Variants in CD207 observed in about 807,000 individuals in gnomAD.
CD207 encodes the protein C-type lectin domain family 4 member K.
A neutral mutation model predicts 31.6 loss-of-function variants in CD207; 28 were observed. The observed-to-expected ratio is 0.89, with a 90% confidence interval of 0.66 to 1.21. The LOEUF is 1.21. Ranked by LOEUF, CD207 falls within the 50% of genes most tolerant of loss-of-function variation. The pLI, the probability that CD207 is intolerant of heterozygous loss-of-function variation, is 0.00. For missense variants in CD207, 388 were observed against 397.8 expected, an observed-to-expected ratio of 0.98 and a Z score of 0.21; for synonymous variants, 168 against 153.9, an observed-to-expected ratio of 1.09 and a Z score of -0.68.
downstream of CD207, among the ~76,000 whole-genome samples, chr2:70,826,319 A>G (rs139860966): frequency 1.3e-3 from 191 of 152,314 alleles, no homozygotes; most frequent in African/African-American, 4.3e-3. Context: ...ACATGGTTGA[A>G]TCTGACCGGT....
At chr2:70,829,091 G>T (rs1677410222), downstream of CD207, among the ~76,000 whole-genome samples, 1 of 152,136 alleles carries the variant, frequency 6.6e-6, no homozygotes, top group Non-Finnish European at 1.5e-5. Flanking sequence ...TTTGTTAACA[G>T]CCTCATCCTC....
chr2:70,833,768 C>T lies in CD207; in HGVS notation c.443G>A (p.Ser148Asn). The T allele has an allele frequency of 6.2e-7, 1 of 1,614,044 alleles. No individual in the cohort carries two copies. ...CTCTGGGATTTGGGCATTTAAGGTA[C>T]TGACTTCTTCCCAACTTCTTGTTAA... The part of the protein sequence containing the change: ...QILTRSWEEV[S>N]TLNAQIPELK... The change falls in exon 3 of 6, where the codon AGT (serine) becomes AAT (asparagine). Residue 148 changes from serine to asparagine, a missense_variant. Transcript: ENST00000410009.
intron 3 of CD207, among the ~76,000 whole-genome samples, chr2:70,833,361 T>C (rs1677525032): frequency 6.6e-6 from 1 of 152,202 alleles, no homozygotes; most frequent in Non-Finnish European, 1.5e-5. Flanking sequence ...AGAAAGGAAC[T>C]TGATGGGAAA....
At chr2:70,827,332 G>C (rs1553399019), downstream of CD207, among the ~76,000 whole-genome samples, 1 of 151,562 alleles carries the variant, frequency 6.6e-6, no homozygotes, top group Non-Finnish European at 1.5e-5. Flanking sequence ...TTCATTCTGA[G>C]ACCTGAAAAA....
chr2:70,833,384 G>A (rs1677525287), intron 3 of CD207, among the ~76,000 whole-genome samples: 1 of 152,132 alleles, frequency 6.6e-6, no homozygotes, highest in Non-Finnish European at 1.5e-5. Flanking sequence ...ACTAGGTGTG[G>A]GCCAGGGTGG....
At chr2:70,829,761 G>A (rs916559964), downstream of CD207, among the ~76,000 whole-genome samples, 7 of 152,116 alleles carry the variant, frequency 4.6e-5, no homozygotes, top group African/African-American at 1.7e-4. Context: ...AGTTATTTAA[G>A]GAAGCATCTT....
rs116070623 is a variant in CD207 at position 70,830,955 on chromosome 2, G to A, written c.*95C>T. On this transcript the variant is annotated 3_prime_UTR_variant, in exon 6 of 6. Transcript: ENST00000410009. ...CAATTTTGAAGCAAGAAAAATTAAC[G>A]TGCAAAGTCATCCTGGAGTCTGGGG... 1.8e-4 allele frequency: 220 copies of A among 1,201,224 alleles called. 4 individuals are homozygous for A. In the South Asian group the frequency reaches 2.0e-3, roughly 11 times the overall value. The allele number at this position is 1,201,224 out of a possible 1,614,324, so 74.4% of individuals were successfully genotyped here.
chr2:70,828,845 T>C (rs933312021), downstream of CD207, among the ~76,000 whole-genome samples: 1 of 152,152 alleles, frequency 6.6e-6, no homozygotes, highest in Non-Finnish European at 1.5e-5. Flanking sequence ...TTTGTATTTT[T>C]AGTAGAGATG....
At position 70,833,684 on chromosome 2, in the gene CD207, C is replaced by A. The variant is rs1553400274; in HGVS notation, c.527G>T (p.Gly176Val). ...ALNTKIRALQ[G>V]SLENMSKLLK... ...CAACTTGCTCATATTCTCCAAGCTG[C>A]CCTGGAGTGCCCGGATCTTTGTATT... The change falls in exon 3 of 6, where the codon GGC (glycine) becomes GTC (valine). Residue 176 changes from glycine (G) to valine (V), a missense_variant. Transcript: ENST00000410009. The A allele has an allele frequency of 6.2e-7, 1 of 1,613,764 alleles. No homozygotes were observed. Among genetic ancestry groups the A allele is most frequent in the Admixed American group, 1.7e-5 (1 of 60,002 alleles).
intron 5 of CD207, 99 bp from the exon 6 acceptor site, chr2:70,831,299 C>T: frequency 8.2e-7 from 1 of 1,219,914 alleles, no homozygotes; most frequent in Non-Finnish European, 1.2e-6. Context: ...AGCTTTTGTC[C>T]TAGGGAATGG....
At chr2:70,827,915 A>G (rs892128813), downstream of CD207, among the ~76,000 whole-genome samples, 1 of 152,194 alleles carries the variant, frequency 6.6e-6, no homozygotes, top group Non-Finnish European at 1.5e-5. Flanking sequence ...CTTCTTTTAT[A>G]TTCAAACACA....
At chr2:70,825,378 T>C (rs1553398760), downstream of CD207, among the ~76,000 whole-genome samples, 1 of 152,090 alleles carries the variant, frequency 6.6e-6, no homozygotes, top group African/African-American at 2.4e-5. Flanking sequence ...CTGAATAAAG[T>C]ATGGACTTCA....
chr2:70,831,248 A>C, intron 5 of CD207, 48 bp from the exon 6 acceptor site: 1 of 1,567,512 alleles, frequency 6.4e-7, no homozygotes. Context: ...GAAAATCAAA[A>C]AGAACTTATT....
chr2:70,834,379 T>A, intron 2 of CD207, among the ~76,000 whole-genome samples: 1 of 151,962 alleles, frequency 6.6e-6, no homozygotes, highest in Non-Finnish European at 1.5e-5. Flanking sequence ...CCCACCACTG[T>A]CCCCAGAACT....
downstream of CD207, chr2:70,830,109 C>T (rs201359048): frequency 6.6e-6 from 1 of 152,180 alleles, no homozygotes; most frequent in African/African-American, 2.4e-5. Context: ...TTTGACTCCC[C>T]AGATGTTTCC....
intron 3 of CD207, 59 bp from the exon 4 acceptor site, chr2:70,833,110 T>C: frequency 6.4e-7 from 1 of 1,564,428 alleles, no homozygotes; most frequent in African/African-American, 1.3e-5. Context: ...GATGCTGGCT[T>C]GGTGGGGGCA....
At chr2:70,826,348 C>T (rs7587512), downstream of CD207, among the ~76,000 whole-genome samples, 91,238 of 151,346 alleles carry the variant, frequency 0.6, 27,967 homozygotes, top group Middle Eastern at 0.7. Flanking sequence ...GGTCACATGA[C>T]TGCACTTTAA....
At chr2:70,828,638 C>G (rs535203134), downstream of CD207, among the ~76,000 whole-genome samples, 5 of 152,310 alleles carry the variant, frequency 3.3e-5, no homozygotes, top group African/African-American at 9.6e-5. Flanking sequence ...GAGCCGTTCT[C>G]TTTTCTCTGC....
Position 70,832,933 on chromosome 2 carries a change from T to C in CD207, c.684A>G (p.Ser228=). 1 of 1,613,932 alleles carries C rather than the reference T, an allele frequency of 6.2e-7. No homozygotes were observed. Among genetic ancestry groups the C allele is most frequent in the Non-Finnish European group, 8.5e-7 (1 of 1,179,850 alleles). Residue 228 remains serine, a synonymous_variant, in exon 4 of 6, where the codon TCA becomes TCG. Transcript: ENST00000410009. ...SAEQFCVSRN[S]HLTSVTSESE... ...TCTCTGAGGTCACCGAGGTCAGGTG[T>C]GAATTCCTGGACACACAGAACTGCT...
Sources: gnomAD v4.1 joint callset for allele counts (sites outside exome capture counted in the v4.1 genomes callset) on GRCh38, gnomAD v4.1.1 for gene constraint, MANE v1.5 for transcripts, NCBI Gene and HGNC (gene_info 2026-07-23, HGNC 2026-07-21) for gene names.